Variants in ANKRD10 observed in about 807,000 individuals in gnomAD.
ANKRD10 encodes ankyrin repeat domain-containing protein 10.
ANKRD10 carries 14 observed loss-of-function variants against 27.0 expected under a neutral mutation model. The observed-to-expected ratio is 0.52, with a 90% confidence interval of 0.34 to 0.81. The LOEUF (loss-of-function observed/expected upper bound fraction) is 0.81. Among genes scored for constraint, ANKRD10 ranks in the 40% least tolerant of loss-of-function variants. The probability of loss-of-function intolerance (pLI) is 0.01; values close to 1 mark genes in which losing one functional copy is unlikely to be tolerated. For missense variants in ANKRD10, 493 were observed against 544.0 expected (o/e 0.91, Z 0.93); for synonymous variants, 250 against 224.5 (o/e 1.11, Z -1.01).
intron 3 of ANKRD10, chr13:110,900,434 T>G: frequency 1.1e-6 from 1 of 903,670 alleles, no homozygotes; most frequent in South Asian, 2.7e-5. Context: ...AATAGAAAGG[T>G]AGATATCATA....
At chr13:110,914,545 G>T in intron 1 of ANKRD10, 180 bp downstream of exon 1, 1 of 837,352 alleles carries the variant, frequency 1.2e-6, no homozygotes, top group Non-Finnish European at 1.6e-6. Flanking sequence ...GCCCCGCCGC[G>T]ACTCCGGGCC....
chr13:110,887,630 G>T (rs532232592), intron 4 of ANKRD10, among the ~76,000 whole-genome samples: 2 of 152,322 alleles, frequency 1.3e-5, no homozygotes, highest in South Asian at 4.1e-4. Flanking sequence ...AAGCCATACT[G>T]GTTATATTCC....
chr13:110,890,336 ACT>A (rs1485037543), intron 4 of ANKRD10, among the ~76,000 whole-genome samples: 1 of 152,148 alleles, frequency 6.6e-6, no homozygotes, highest in African/African-American at 2.4e-5. Flanking sequence ...CGACATCAGC[ACT>A]CTCAGTATGT....
Position 110,883,707 on chromosome 13 carries a change from C to T in ANKRD10, c.778G>A (p.Val260Ile). ...DKMHVDREFAVVTDMKNSSSV... is the reference protein window; with the variant it reads ...DKMHVDREFAIVTDMKNSSSV... ...AACTGTCCACTCCCACCTGTTACAA[C>T]AGCAAACTCCCTATCAACGTGCATT... Residue 260 changes from valine to isoleucine, a missense_variant, in exon 5 of 6, where the codon GTT becomes ATT. By Grantham distance (29) the Val-to-Ile change is conservative (BLOSUM62 3). Transcript: ENST00000267339. 3 of 1,614,138 alleles carry T rather than the reference C, an allele frequency of 1.9e-6. No homozygotes were observed. The highest frequency in any genetic ancestry group is 1.7e-6 in the Non-Finnish European group (2 of 1,179,998).
intron 4 of ANKRD10, among the ~76,000 whole-genome samples, chr13:110,886,475 A>T (rs1320159044): frequency 6.6e-6 from 1 of 152,252 alleles, no homozygotes; most frequent in Non-Finnish European, 1.5e-5. Context: ...CAGCTGTCAC[A>T]GAGCCTTGGA....
intron 1 of ANKRD10, chr13:110,911,775 T>C (rs1566499117): frequency 6.6e-6 from 1 of 152,184 alleles, no homozygotes; most frequent in Non-Finnish European, 1.5e-5. Context: ...CAAGACCCTG[T>C]CTCAAAAAAA....
intron 4 of ANKRD10, among the ~76,000 whole-genome samples, chr13:110,890,884 C>A (rs2065056449): frequency 1.3e-5 from 2 of 152,136 alleles, no homozygotes; most frequent in South Asian, 2.1e-4. Context: ...GAAAATAAAA[C>A]CCCCAAAGTC....
intron 4 of ANKRD10, chr13:110,892,575 G>C (rs2065109952): frequency 3.4e-6 from 1 of 297,850 alleles, no homozygotes; most frequent in African/African-American, 2.3e-5. Context: ...TCATAGTACA[G>C]AAATAGTACA....
chr13:110,882,881 TA>T (rs1266083870), intron 5 of ANKRD10, among the ~76,000 whole-genome samples: 5 of 152,000 alleles, frequency 3.3e-5, no homozygotes, highest in African/African-American at 4.8e-5. Context: ...ATAATAAACT[TA>T]AAAAAAATCT....
At chr13:110,881,995 C>T (rs749689685) in intron 5 of ANKRD10, among the ~76,000 whole-genome samples, 4 of 152,232 alleles carry the variant, frequency 2.6e-5, no homozygotes, top group Non-Finnish European at 5.9e-5. Flanking sequence ...TCTGTCTGCC[C>T]GGCCAGCCCT....
intron 3 of ANKRD10, among the ~76,000 whole-genome samples, chr13:110,896,559 G>T (rs2065231460): frequency 6.6e-6 from 1 of 152,132 alleles, no homozygotes; most frequent in Non-Finnish European, 1.5e-5. Flanking sequence ...ACTGTGTAGT[G>T]CACATTATAG....
intron 3 of ANKRD10, 54 bp downstream of exon 3, chr13:110,905,979 C>G (rs1394241236): frequency 3.3e-6 from 5 of 1,493,206 alleles, no homozygotes; most frequent in Non-Finnish European, 4.5e-6. Flanking sequence ...TGCCTTTAAA[C>G]AAAACATCCT....
intron 1 of ANKRD10, chr13:110,914,503 C>G (rs2065826522): frequency 4.2e-6 from 2 of 472,402 alleles, no homozygotes; most frequent in South Asian, 2.1e-4. Context: ...GCAGGCGCCA[C>G]CGACCTCGCT....
chr13:110,882,602 T>TA (rs1244076329), intron 5 of ANKRD10, among the ~76,000 whole-genome samples: 3 of 152,166 alleles, frequency 2.0e-5, no homozygotes, highest in African/African-American at 4.8e-5. Flanking sequence ...AGGTCACTTT[T>TA]AAAAAAAGCA....
Position 110,892,930 on chromosome 13 carries a change from T to A in ANKRD10, c.691+98A>T, listed in dbSNP as rs532340099. ...CCACCAGGCGCATTACCACCTGAAG[T>A]GAAGGTCTCATCTCGAAGGTGCGCT... On this transcript the variant is annotated intron_variant, in intron 4 of 5. Coordinates refer to ENST00000267339, the MANE Select transcript of ANKRD10 (RefSeq NM_017664.4). The A allele has an allele frequency of 1.5e-5, 23 of 1,511,378 alleles. No individual in the cohort carries two copies. The South Asian group carries it at 3.1e-4, about 20-fold the overall frequency. 93.6% of individuals were successfully genotyped at this position (1,511,378 alleles called of 1,614,324 possible).
At chr13:110,896,752 T>A (rs79158783) in intron 3 of ANKRD10, among the ~76,000 whole-genome samples, 5,378 of 152,316 alleles carry the variant, frequency 0.035, 113 homozygotes, top group Non-Finnish European at 0.052. Flanking sequence ...AAAGCTTTAT[T>A]TATGAACACT....
chr13:110,907,684 C>G (rs2065575984), intron 2 of ANKRD10, among the ~76,000 whole-genome samples: 1 of 152,094 alleles, frequency 6.6e-6, no homozygotes, highest in Admixed American at 6.5e-5. Context: ...ACACAGAAAA[C>G]CATGCGGCTA....
chr13:110,898,191 C>A (rs2065280071), intron 3 of ANKRD10, among the ~76,000 whole-genome samples: 1 of 152,130 alleles, frequency 6.6e-6, no homozygotes, highest in Non-Finnish European at 1.5e-5. Flanking sequence ...AAGTGCCTTA[C>A]AATAAACCAG....
At chr13:110,883,517 T>C (rs779257932) in intron 5 of ANKRD10, 181 bp downstream of exon 5, 17 of 1,336,850 alleles carry the variant, frequency 1.3e-5, no homozygotes, top group Non-Finnish European at 1.6e-5. Flanking sequence ...GTGCAAAACA[T>C]CTGAGAAAAA....
Sources: gnomAD v4.1 joint callset for allele counts (sites outside exome capture counted in the v4.1 genomes callset) on GRCh38, gnomAD v4.1.1 for gene constraint, MANE v1.5 for transcripts, NCBI Gene and HGNC (gene_info 2026-07-23, HGNC 2026-07-21) for gene names.